Variants in COL6A5 observed in about 807,000 individuals in gnomAD.
COL6A5 encodes collagen type VI alpha 5 chain, also known as collagen alpha-5(VI) chain.
A neutral mutation model predicts 65.6 loss-of-function variants in COL6A5; 48 were observed. That is an observed-to-expected ratio of 0.73 (90% CI 0.58 to 0.93). The LOEUF (loss-of-function observed/expected upper bound fraction) is 0.93, where lower values mean the gene tolerates loss of function less well. Ranked by LOEUF, COL6A5 falls within the 40% of genes least tolerant of loss-of-function variation. The probability of loss-of-function intolerance (pLI) is 0.00; values close to 1 mark genes in which losing one functional copy is unlikely to be tolerated. For missense variants in COL6A5, 914 were observed against 928.3 expected, an observed-to-expected ratio of 0.98 and a Z score of 0.20; for synonymous variants, 291 against 322.8, an observed-to-expected ratio of 0.90 and a Z score of 1.05.
intron 4 of COL6A5, among the ~76,000 whole-genome samples, chr3:130,448,770 C>T (rs941716598): frequency 1.6e-4 from 25 of 152,148 alleles, no homozygotes; most frequent in Non-Finnish European, 3.2e-4. Context: ...ATTTAGCATT[C>T]CCTGAGGAAG....
intron 5 of COL6A5, among the ~76,000 whole-genome samples, chr3:130,460,032 C>T (rs1300564281): frequency 6.6e-6 from 1 of 151,834 alleles, no homozygotes; most frequent in African/African-American, 2.4e-5. Context: ...ACTTGGATTC[C>T]TTCTCAATTT....
In COL6A5 at chr3:130,398,393, G is replaced by A. The variant is rs142477830; in HGVS notation, c.3991+282G>A. Among the ~76,000 whole-genome samples, 74 of 152,258 alleles carry A rather than the reference G, an allele frequency of 4.9e-4. No individual in the cohort carries two copies. In the East Asian group the frequency reaches 0.013, roughly 27 times the overall value. ...GATTCACCCGACTTGGCCTCCCAAAGTGCTGGGATTGCAGGCGTGAGCCAC... is the reference window on the plus strand; with the variant it reads ...GATTCACCCGACTTGGCCTCCCAAAATGCTGGGATTGCAGGCGTGAGCCAC... On this transcript the variant is annotated intron_variant and NMD_transcript_variant, in intron 10 of 41. Coordinates refer to the COL6A5 transcript ENST00000312481.
chr3:130,438,344 G>C (rs1474759177), intron 1 of COL6A5, among the ~76,000 whole-genome samples: 1 of 152,136 alleles, frequency 6.6e-6, no homozygotes, highest in Non-Finnish European at 1.5e-5. Flanking sequence ...CCAGAACCTA[G>C]AACTACACCT....
At chr3:130,359,402 T>TA (rs558842882) in intron 1 of COL6A5, among the ~76,000 whole-genome samples, 7 of 151,904 alleles carry the variant, frequency 4.6e-5, no homozygotes, top group South Asian at 4.2e-4. Flanking sequence ...ATGTTTAATT[T>TA]AAAAAAAATT....
At chr3:130,423,200 A>T (rs1215774070) in intron 28 of COL6A5, among the ~76,000 whole-genome samples, 1 of 152,024 alleles carries the variant, frequency 6.6e-6, no homozygotes, top group Non-Finnish European at 1.5e-5. Flanking sequence ...ACTATCCATC[A>T]CAAGGTCATG....
chr3:130,345,983 T>G lies in COL6A5; in HGVS notation c.-29+2T>G, dbSNP rs1934459364. 2 of 398,482 alleles carry G rather than the reference T, an allele frequency of 5.0e-6. No individual in the cohort carries two copies. Among genetic ancestry groups the G allele is most frequent in the Admixed American group, 4.4e-5 (1 of 22,720 alleles). 24.7% of individuals were successfully genotyped at this position (398,482 alleles called of 1,614,324 possible). A position where few individuals can be genotyped will look rare whatever the true frequency, so the allele number is the denominator to read the frequency against. On this transcript the variant is annotated splice_donor_variant and NMD_transcript_variant, in intron 1 of 41. Coordinates refer to the COL6A5 transcript ENST00000312481. ...GTCCCCTGACCCCGGGAAAGCTGGG[T>G]AAGTATGCGGTGCGGGGACTTGGGG...
At chr3:130,375,051 T>C (rs1174867006) in intron 2 of COL6A5, among the ~76,000 whole-genome samples, 1 of 152,182 alleles carries the variant, frequency 6.6e-6, no homozygotes, top group African/African-American at 2.4e-5. Context: ...AGACATTTAC[T>C]AGCACATTAC....
intron 5 of COL6A5, among the ~76,000 whole-genome samples, chr3:130,461,224 A>G (rs1709694986): frequency 6.6e-6 from 1 of 151,978 alleles, no homozygotes; most frequent in African/African-American, 2.4e-5. Context: ...GACTACTACA[A>G]TTCAGGAAGT....
upstream of COL6A5, chr3:130,429,623 T>C (rs1200408512): frequency 7.9e-6 from 12 of 1,515,774 alleles, no homozygotes; most frequent in Middle Eastern, 5.1e-4. Context: ...CTGAGATCAT[T>C]ACTGCTGCAT....
chr3:130,354,016 G>A (rs1239916344), intron 1 of COL6A5, among the ~76,000 whole-genome samples: 2 of 150,824 alleles, frequency 1.3e-5, no homozygotes, highest in Non-Finnish European at 3.0e-5. Flanking sequence ...CTGGATAAGG[G>A]AAGAAAAGAA....
chr3:130,402,903 A>T (rs539996466), intron 12 of COL6A5, among the ~76,000 whole-genome samples: 33 of 152,374 alleles, frequency 2.2e-4, no homozygotes, highest in Non-Finnish European at 3.7e-4. Flanking sequence ...ATACTTGCTC[A>T]TGAGTTCTGC....
intron 5 of COL6A5, 69 bp downstream of exon 5, chr3:130,385,433 C>G: frequency 1.2e-5 from 17 of 1,430,076 alleles, no homozygotes; most frequent in Non-Finnish European, 1.5e-5. Context: ...AATGGCCAGG[C>G]TGAGACAAGG....
chr3:130,365,077 G>A (rs1935282954), intron 1 of COL6A5, among the ~76,000 whole-genome samples: 3 of 152,142 alleles, frequency 2.0e-5, no homozygotes, highest in South Asian at 4.2e-4. Context: ...GACTTTGATG[G>A]TGTAGGTCAG....
intron 1 of COL6A5, among the ~76,000 whole-genome samples, chr3:130,359,701 T>C (rs1282678514): frequency 2.0e-5 from 3 of 152,098 alleles, no homozygotes; most frequent in Admixed American, 2.0e-4. Context: ...GCAGAAGTCA[T>C]AGGTGGTTCT....
At chr3:130,405,594 C>T (rs573787224) in exon 14 of COL6A5, 16 of 1,550,316 alleles carry the variant, frequency 1.0e-5, no homozygotes, top group Middle Eastern at 1.7e-4. Context: ...TTAGGGAGTA[C>T]GAGGAGACAC....
chr3:130,377,995 A>G (rs1267425006), intron 3 of COL6A5, among the ~76,000 whole-genome samples: 1 of 152,164 alleles, frequency 6.6e-6, no homozygotes, highest in Non-Finnish European at 1.5e-5. Flanking sequence ...AATAGTGATA[A>G]GTAAGACATG....
At chr3:130,443,519 T>G in exon 4 of COL6A5, 1 of 1,611,572 alleles carries the variant, frequency 6.2e-7, no homozygotes, top group Non-Finnish European at 8.5e-7. Flanking sequence ...AGGATGCCTG[T>G]AGACTCATCA....
intron 14 of COL6A5, 93 bp downstream of exon 14, chr3:130,405,752 A>T: frequency 1.9e-6 from 2 of 1,070,288 alleles, no homozygotes; most frequent in Non-Finnish European, 2.8e-6. Flanking sequence ...TCTCTCTTCC[A>T]TCACTCCTCT....
chr3:130,484,805 G>A (rs1202385207), exon 8 of COL6A5: 1 of 398,750 alleles, frequency 2.5e-6, no homozygotes, highest in Non-Finnish European at 4.4e-6. Context: ...TTACAATGTA[G>A]CAAGAGATAA....
Sources: allele counts gnomAD v4.1 joint callset (sites outside exome capture counted in the v4.1 genomes callset), GRCh38; gene constraint gnomAD v4.1.1; transcripts MANE v1.5; gene names NCBI Gene and HGNC (gene_info 2026-07-23, HGNC 2026-07-21).